NDFIP2: variants seen among roughly 807,000 people sequenced by gnomAD.
NDFIP2 encodes the protein NEDD4 family-interacting protein 2.
A neutral mutation model predicts 36.0 loss-of-function variants in NDFIP2; 19 were observed. The ratio of observed to expected loss-of-function variants is 0.53; its 90% CI spans 0.37 to 0.77. NDFIP2 has a LOEUF of 0.77. Among genes scored for constraint, NDFIP2 ranks in the 30% least tolerant of loss-of-function variants. The pLI, the probability that NDFIP2 is intolerant of heterozygous loss-of-function variation, is 0.00. For synonymous variants in NDFIP2, 181 were observed against 167.7 expected (o/e 1.08, Z -0.61); for missense variants, 446 against 435.8 (o/e 1.02, Z -0.21).
At chr13:79,542,078 G>A (rs904963774) in intron 4 of NDFIP2, among the ~76,000 whole-genome samples, 4 of 152,134 alleles carry the variant, frequency 2.6e-5, no homozygotes, top group Non-Finnish European at 2.9e-5. Context: ...GAATGGAACA[G>A]AATTTGGTTA....
intron 3 of NDFIP2, among the ~76,000 whole-genome samples, chr13:79,537,938 G>C (rs1305041555): frequency 1.3e-5 from 2 of 152,106 alleles, no homozygotes; most frequent in African/African-American, 4.8e-5. Context: ...TCTGCAGACT[G>C]TATAGGAAGC....
chr13:79,492,654 G>T (rs936882299), intron 1 of NDFIP2, among the ~76,000 whole-genome samples: 3 of 152,054 alleles, frequency 2.0e-5, no homozygotes, highest in Non-Finnish European at 2.9e-5. Context: ...CCAAAGTGCT[G>T]GGATTACTGA....
At chr13:79,522,280 T>C (rs1874616949) in intron 2 of NDFIP2, among the ~76,000 whole-genome samples, 1 of 152,230 alleles carries the variant, frequency 6.6e-6, no homozygotes, top group African/African-American at 2.4e-5. Flanking sequence ...ATATGCTAAA[T>C]AGTAATTCTT....
intron 5 of NDFIP2, among the ~76,000 whole-genome samples, chr13:79,547,304 C>T (rs1594860898): frequency 6.6e-6 from 1 of 152,052 alleles, no homozygotes; most frequent in East Asian, 1.9e-4. Flanking sequence ...GAAATCTTTA[C>T]TTATAAAGTT....
chr13:79,512,447 TGAG>T, intron 1 of NDFIP2, among the ~76,000 whole-genome samples: 1 of 151,722 alleles, frequency 6.6e-6, no homozygotes, highest in East Asian at 1.9e-4. Flanking sequence ...CACTGGCTTT[TGAG>T]GAAAAAAAAA....
intron 1 of NDFIP2, among the ~76,000 whole-genome samples, chr13:79,501,299 C>T (rs967124316): frequency 4.0e-5 from 6 of 151,870 alleles, no homozygotes; most frequent in Admixed American, 6.6e-5. Flanking sequence ...CTAATGTAAA[C>T]TATAGACTTT....
chr13:79,502,709 C>T (rs543360846), intron 1 of NDFIP2, among the ~76,000 whole-genome samples: 10 of 151,862 alleles, frequency 6.6e-5, no homozygotes, highest in Non-Finnish European at 1.2e-4. Flanking sequence ...TTGTTTTCAG[C>T]GAGACGTTTG....
chr13:79,529,204 C>G (rs1874915670), intron 2 of NDFIP2, among the ~76,000 whole-genome samples: 1 of 152,164 alleles, frequency 6.6e-6, no homozygotes, highest in Non-Finnish European at 1.5e-5. Flanking sequence ...TGGAGCTTGC[C>G]AGACTTTAAA....
intron 1 of NDFIP2, among the ~76,000 whole-genome samples, chr13:79,491,738 G>A (rs1048084337): frequency 2.6e-5 from 4 of 152,082 alleles, no homozygotes; most frequent in East Asian, 1.9e-4. Context: ...TTCTACTGAC[G>A]TTTAGTCAAT....
At chr13:79,482,149 T>TTTTCTTTC (rs1291210226) in intron 1 of NDFIP2, among the ~76,000 whole-genome samples, 43 of 111,984 alleles carry the variant, frequency 3.8e-4, no homozygotes, top group Admixed American at 5.2e-4. Context: ...AATCCCCACT[T>TTTTCTTTC]TTTCTTTCTT....
intron 2 of NDFIP2, among the ~76,000 whole-genome samples, chr13:79,522,521 A>G (rs796990791): frequency 3.3e-5 from 5 of 152,344 alleles, no homozygotes; most frequent in African/African-American, 1.2e-4. Flanking sequence ...ATCATTTATT[A>G]CTGTTAATTC....
chr13:79,503,205 A>G (rs1873732687), intron 1 of NDFIP2, among the ~76,000 whole-genome samples: 1 of 152,146 alleles, frequency 6.6e-6, no homozygotes, highest in African/African-American at 2.4e-5. Context: ...GACTGGTGGA[A>G]TTGGAACACC....
intron 1 of NDFIP2, among the ~76,000 whole-genome samples, chr13:79,487,050 C>G (rs772530860): frequency 6.6e-5 from 10 of 152,290 alleles, no homozygotes; most frequent in Non-Finnish European, 1.2e-4. Flanking sequence ...CTTCAAATAA[C>G]ATCACTCTGG....
chr13:79,547,229 C>T (rs1875720620), intron 5 of NDFIP2, among the ~76,000 whole-genome samples: 1 of 151,952 alleles, frequency 6.6e-6, no homozygotes, highest in Admixed American at 6.6e-5. Context: ...AATTTGTAAG[C>T]ATTTTTTATT....
Position 79,498,519 on chromosome 13 carries a change from A to C in NDFIP2, c.321+16995A>C, listed in dbSNP as rs537288544. ...ACCACAGATTGTGTAGTTTATAAGA[A>C]AATAAATTGATTTCTCATAGTTCTG... On this transcript the variant is annotated intron_variant, in intron 1 of 7. Coordinates refer to ENST00000218652, the MANE Select transcript of NDFIP2 (RefSeq NM_019080.3). 2.1e-3 allele frequency among the ~76,000 whole-genome samples: 318 copies of C among 152,128 alleles called. 2 individuals carry two copies. The highest frequency in any genetic ancestry group is 7.3e-3 in the African/African-American group (304 of 41,520).
chr13:79,493,748 T>G (rs560879894), intron 1 of NDFIP2, among the ~76,000 whole-genome samples: 2 of 152,240 alleles, frequency 1.3e-5, no homozygotes, highest in South Asian at 2.1e-4. Flanking sequence ...ATGCCAGACA[T>G]AGAGAGCATG....
Position 79,539,789 on chromosome 13 carries a change from C to T in NDFIP2, c.715+14C>T, listed in dbSNP as rs778644728. ...TGGCATTTTTCAGTAAGTAATCTTC[C>T]TAAACTATTTTGGGTTGTTTTTATG... On this transcript the variant is annotated intron_variant, in intron 4 of 7. Coordinates refer to ENST00000218652, the MANE Select transcript of NDFIP2 (RefSeq NM_019080.3). 1 of 1,609,400 alleles carries T rather than the reference C, an allele frequency of 6.2e-7. No individual in the cohort carries two copies. The highest frequency in any genetic ancestry group is 8.5e-7 in the Non-Finnish European group (1 of 1,176,032).
At chr13:79,547,017 A>T (rs946638643) in intron 5 of NDFIP2, among the ~76,000 whole-genome samples, 6 of 151,940 alleles carry the variant, frequency 3.9e-5, no homozygotes, top group Non-Finnish European at 8.8e-5. Context: ...AGTACTTTGA[A>T]ATTTTAAATC....
chr13:79,490,970 G>A (rs975671245), intron 1 of NDFIP2, among the ~76,000 whole-genome samples: 2 of 152,146 alleles, frequency 1.3e-5, no homozygotes, highest in Non-Finnish European at 2.9e-5. Flanking sequence ...TAGTGTGATT[G>A]CCTCATTGAG....
Sources: gnomAD v4.1 joint callset for allele counts (sites outside exome capture counted in the v4.1 genomes callset) on GRCh38, gnomAD v4.1.1 for gene constraint, MANE v1.5 for transcripts, NCBI Gene and HGNC (gene_info 2026-07-23, HGNC 2026-07-21) for gene names.